The following AFG2A variants were observed in gnomAD, a reference collection of about 807,000 sequenced individuals.
AFG2A encodes ATPase family gene 2 protein homolog A.
At chr4:123,119,816 G>A in the AFG2A span, among the ~76,000 whole-genome samples, 124 of 152,260 alleles carry the variant, frequency 8.1e-4, no homozygotes, top group African/African-American at 2.8e-3. Context: ...ATTTATAAAG[G>A]AAAGAGGTTT....
chr4:123,275,832 T>C, the AFG2A span, among the ~76,000 whole-genome samples: 1 of 152,220 alleles, frequency 6.6e-6, no homozygotes, highest in Non-Finnish European at 1.5e-5. Context: ...ATCTTGTTTT[T>C]TATGGCTGCG....
the AFG2A span, among the ~76,000 whole-genome samples, chr4:123,050,246 C>T: frequency 8.6e-5 from 13 of 152,044 alleles, no homozygotes; most frequent in Non-Finnish European, 8.8e-5. Flanking sequence ...GGATAATGTG[C>T]CATGTGCTGA....
the AFG2A span, among the ~76,000 whole-genome samples, chr4:122,966,182 G>A: frequency 0.012 from 1,780 of 152,184 alleles, 50 homozygotes; most frequent in South Asian, 0.11. Flanking sequence ...AATAGGATAC[G>A]TTTATATAGA....
At chr4:123,225,335 T>A in the AFG2A span, among the ~76,000 whole-genome samples, 3 of 152,248 alleles carry the variant, frequency 2.0e-5, no homozygotes, top group East Asian at 5.8e-4. Context: ...AGGGTTTTTA[T>A]GGTTTTAGGT....
At chr4:123,113,961 C>G in the AFG2A span, among the ~76,000 whole-genome samples, 2 of 151,474 alleles carry the variant, frequency 1.3e-5, no homozygotes, top group Non-Finnish European at 2.9e-5. Flanking sequence ...GTTGTCCCGA[C>G]GAATGTTCAG....
chr4:123,087,472 G>C, the AFG2A span, among the ~76,000 whole-genome samples: 1 of 152,308 alleles, frequency 6.6e-6, no homozygotes, highest in Admixed American at 6.5e-5. Flanking sequence ...CTCTTGAGGA[G>C]CAGGCCTTTT....
chr4:123,169,503 GTTTT>G, the AFG2A span, among the ~76,000 whole-genome samples: 3 of 152,184 alleles, frequency 2.0e-5, no homozygotes, highest in African/African-American at 7.2e-5. Flanking sequence ...CTTTTGTTTT[GTTTT>G]TTTGTTTCTA....
chr4:123,138,897 C>A, the AFG2A span, among the ~76,000 whole-genome samples: 2 of 151,756 alleles, frequency 1.3e-5, no homozygotes, highest in Non-Finnish European at 2.9e-5. Flanking sequence ...AACACATATA[C>A]ATGTATATGT....
the AFG2A span, among the ~76,000 whole-genome samples, chr4:123,174,361 G>T: frequency 6.6e-6 from 1 of 152,114 alleles, no homozygotes; most frequent in Non-Finnish European, 1.5e-5. Context: ...CATGTCTATT[G>T]GTGGGGCACA....
the AFG2A span, among the ~76,000 whole-genome samples, chr4:123,141,129 C>T: frequency 6.6e-6 from 1 of 152,134 alleles, no homozygotes; most frequent in Non-Finnish European, 1.5e-5. Context: ...GTTTAAAAGT[C>T]TGTTCTCTAG....
chr4:123,281,119 T>C, the AFG2A span, among the ~76,000 whole-genome samples: 1 of 152,180 alleles, frequency 6.6e-6, no homozygotes, highest in African/African-American at 2.4e-5. Flanking sequence ...TAAATTGATA[T>C]AGTTGAAACT....
the AFG2A span, among the ~76,000 whole-genome samples, chr4:123,254,379 T>C: frequency 6.6e-6 from 1 of 152,188 alleles, no homozygotes; most frequent in African/African-American, 2.4e-5. Flanking sequence ...AATTTCCTTT[T>C]TGAGTGCCTT....
At chr4:122,999,634 T>C in the AFG2A span, among the ~76,000 whole-genome samples, 1 of 152,070 alleles carries the variant, frequency 6.6e-6, no homozygotes, top group African/African-American at 2.4e-5. Flanking sequence ...GGTGGCATTA[T>C]TTCTGAGGGC....
the AFG2A span, among the ~76,000 whole-genome samples, chr4:122,932,735 G>A: frequency 6.6e-6 from 1 of 152,144 alleles, no homozygotes; most frequent in Admixed American, 6.5e-5. Context: ...TTAGGAAGGA[G>A]GGGATCTCAT....
the AFG2A span, among the ~76,000 whole-genome samples, chr4:123,000,435 G>A: frequency 6.6e-6 from 1 of 151,968 alleles, no homozygotes; most frequent in Non-Finnish European, 1.5e-5. Context: ...GATACTGGCT[G>A]TGGGTTTGTC....
chr4:123,213,731 G>A, the AFG2A span, among the ~76,000 whole-genome samples: 4 of 152,112 alleles, frequency 2.6e-5, no homozygotes, highest in Admixed American at 6.6e-5. Flanking sequence ...GTTGAGGGTT[G>A]GTACTGTCTA....
the AFG2A span, among the ~76,000 whole-genome samples, chr4:123,310,188 G>T: frequency 6.6e-6 from 1 of 152,248 alleles, no homozygotes; most frequent in South Asian, 2.1e-4. Flanking sequence ...GAACTTTTAG[G>T]AGTGGCGCTC....
the AFG2A span, among the ~76,000 whole-genome samples, chr4:122,924,145 A>G: frequency 6.6e-6 from 1 of 152,248 alleles, no homozygotes; most frequent in Non-Finnish European, 1.5e-5. Flanking sequence ...CTTAGGTATC[A>G]GAGGACAACT....
At chr4:123,207,576 C>CA in the AFG2A span, among the ~76,000 whole-genome samples, 2 of 152,120 alleles carry the variant, frequency 1.3e-5, no homozygotes, top group African/African-American at 4.8e-5. Context: ...CCTGGCCTCC[C>CA]AAAGTGCTGA....
Sources: gnomAD v4.1 joint callset for allele counts (sites outside exome capture counted in the v4.1 genomes callset) on GRCh38, gnomAD v4.1.1 for gene constraint, MANE v1.5 for transcripts, NCBI Gene and HGNC (gene_info 2026-07-23, HGNC 2026-07-21) for gene names.